ZYG11B: variants seen among roughly 807,000 people sequenced by gnomAD.
ZYG11B encodes the protein zyg-11 family member B, cell cycle regulator, also known as protein zyg-11 homolog B.
ZYG11B carries 36 observed loss-of-function variants against 82.4 expected under a neutral mutation model. The observed-to-expected ratio is 0.44, with a 90% CI of 0.33 to 0.58. ZYG11B has a LOEUF of 0.58. ZYG11B is among the 20% of genes least tolerant of loss of function. The probability of loss-of-function intolerance (pLI) is 0.02; values close to 1 mark genes in which losing one functional copy is unlikely to be tolerated. For synonymous variants in ZYG11B, 303 were observed against 312.8 expected (o/e 0.97, Z 0.33); for missense variants, 552 against 895.6 (o/e 0.62, Z 4.90).
chr1:52,773,857 A>G (rs968678808), intron 3 of ZYG11B, among the ~76,000 whole-genome samples: 2 of 150,928 alleles, frequency 1.3e-5, no homozygotes, highest in East Asian at 3.9e-4. Flanking sequence ...TGCCAAGGCT[A>G]GTCTCGAACT....
At chr1:52,737,806 G>T (rs1454868828) in intron 1 of ZYG11B, among the ~76,000 whole-genome samples, 1 of 152,258 alleles carries the variant, frequency 6.6e-6, no homozygotes, top group Non-Finnish European at 1.5e-5. Context: ...TTTCATCAGT[G>T]TGTGTTTGAT....
intron 4 of ZYG11B, among the ~76,000 whole-genome samples, chr1:52,781,481 A>G (rs1644855369): frequency 6.6e-6 from 1 of 152,150 alleles, no homozygotes; most frequent in African/African-American, 2.4e-5. Context: ...CCTGGGTGAC[A>G]GGAGTGAAAA....
At chr1:52,792,682 A>G (rs1243580360) in intron 6 of ZYG11B, among the ~76,000 whole-genome samples, 3 of 152,152 alleles carry the variant, frequency 2.0e-5, no homozygotes, top group African/African-American at 7.2e-5. Context: ...TATGTTGTTG[A>G]AACTGCATGA....
intron 1 of ZYG11B, 140 bp downstream of exon 1, chr1:52,726,823 G>GC: frequency 1.3e-6 from 1 of 783,384 alleles, no homozygotes; most frequent in Non-Finnish European, 1.8e-6. Context: ...CCTCGTTACC[G>GC]CCCCCTCGGT....
chr1:52,782,051 CTATTTATT>C (rs914575808), intron 4 of ZYG11B, among the ~76,000 whole-genome samples: 2 of 151,576 alleles, frequency 1.3e-5, no homozygotes, highest in African/African-American at 4.9e-5. Flanking sequence ...AGAATATAGG[CTATTTATT>C]TATTTATTTA....
chr1:52,807,144 G>A (rs962620098), intron 10 of ZYG11B, among the ~76,000 whole-genome samples: 1 of 151,904 alleles, frequency 6.6e-6, no homozygotes, highest in African/African-American at 2.4e-5. Flanking sequence ...TGGGATTACA[G>A]ACTCACGTGA....
intron 2 of ZYG11B, among the ~76,000 whole-genome samples, chr1:52,758,362 T>G (rs1335689402): frequency 6.6e-6 from 1 of 152,174 alleles, no homozygotes; most frequent in Non-Finnish European, 1.5e-5. Context: ...TACATGTATT[T>G]TCGTGGAATT....
chr1:52,749,699 G>A (rs1644505707), intron 1 of ZYG11B, among the ~76,000 whole-genome samples: 1 of 151,868 alleles, frequency 6.6e-6, no homozygotes, highest in Non-Finnish European at 1.5e-5. Context: ...CGCCTCCCGG[G>A]TTGCCACCAC....
At chr1:52,817,214 G>A (rs984693264) in intron 13 of ZYG11B, among the ~76,000 whole-genome samples, 2 of 152,120 alleles carry the variant, frequency 1.3e-5, no homozygotes, top group African/African-American at 4.8e-5. Context: ...ACTACAGTGA[G>A]TCCATTTGTT....
chr1:52,761,391 A>G (rs552233678), intron 2 of ZYG11B, among the ~76,000 whole-genome samples: 1 of 152,224 alleles, frequency 6.6e-6, no homozygotes, highest in South Asian at 2.1e-4. Flanking sequence ...TTTTACTTCT[A>G]TGAGATCAGT....
chr1:52,814,737 C>G (rs1313812854), intron 12 of ZYG11B, among the ~76,000 whole-genome samples: 1 of 151,584 alleles, frequency 6.6e-6, no homozygotes, highest in Non-Finnish European at 1.5e-5. Flanking sequence ...ACACACCTTT[C>G]AGAGGAAGTG....
At position 52,813,854 on chromosome 1, in the gene ZYG11B, T is replaced by G; in HGVS notation, c.1894-6T>G. ...AATCCTTTCTTGTGTGTCTTTTGTC[T>G]TCCAGCATTCAGCTATTTTGAAATG... is the stretch of plus-strand genomic sequence containing the variant. On this transcript the variant is annotated splice_polypyrimidine_tract_variant and splice_region_variant and intron_variant, in intron 11 of 13. Coordinates refer to ENST00000294353, the MANE Select transcript of ZYG11B (RefSeq NM_024646.3). The G allele has an allele frequency of 6.2e-7, 1 of 1,614,144 alleles. No homozygotes were observed. The highest frequency in any genetic ancestry group is 8.5e-7 in the Non-Finnish European group (1 of 1,179,996).
chr1:52,809,929 T>C (rs1004729575), intron 10 of ZYG11B, among the ~76,000 whole-genome samples: 21 of 152,218 alleles, frequency 1.4e-4, no homozygotes, highest in African/African-American at 4.8e-4. Flanking sequence ...TTATCAGATA[T>C]ATGTCTTGCA....
chr1:52,754,488 TCTC>T (rs1249598039), intron 1 of ZYG11B: 15 of 152,170 alleles, frequency 9.9e-5, no homozygotes, highest in African/African-American at 3.6e-4. Context: ...TTCAAGCAAT[TCTC>T]CTGCCTCAGC....
intron 10 of ZYG11B, among the ~76,000 whole-genome samples, chr1:52,812,568 A>T (rs996197631): frequency 3.3e-5 from 5 of 151,248 alleles, no homozygotes; most frequent in Admixed American, 3.3e-4. Context: ...ACGCCCAGCT[A>T]ATTTTTCTAT....
intron 2 of ZYG11B, among the ~76,000 whole-genome samples, chr1:52,759,649 A>G (rs533649360): frequency 4.6e-4 from 70 of 152,298 alleles, no homozygotes; most frequent in African/African-American, 1.6e-3. Flanking sequence ...TAATCTCTTT[A>G]TACAAATCAT....
intron 1 of ZYG11B, among the ~76,000 whole-genome samples, chr1:52,746,690 T>G (rs1420249897): frequency 1.9e-5 from 2 of 107,528 alleles, no homozygotes; most frequent in African/African-American, 3.5e-5. Context: ...GGCCACTGTT[T>G]TTTTTTTTTT....
chr1:52,776,248 A>ATATATATATATAT (rs1425431576), intron 3 of ZYG11B, among the ~76,000 whole-genome samples: 14 of 94,768 alleles, frequency 1.5e-4, no homozygotes, highest in Non-Finnish European at 2.7e-4. Flanking sequence ...ATATATATGC[A>ATATATATATATAT]ATAAAGTTGG....
chr1:52,764,864 C>T lies in ZYG11B; in HGVS notation c.197-6156C>T, dbSNP rs539864976. Among the ~76,000 whole-genome samples, 5 of 152,226 alleles carry T rather than the reference C, an allele frequency of 3.3e-5. No homozygotes were observed. The South Asian group carries it at 8.3e-4, about 25-fold the overall frequency. The stretch of plus-strand genomic sequence containing the variant: ...AGGAGGGAAGTCAGTAACATAAAGG[C>T]GGGCTCCTCGGCACTGCCCAGGAGT... On this transcript the variant is annotated intron_variant, in intron 2 of 13. Transcript: ENST00000294353.
Sources: gnomAD v4.1 joint callset for allele counts (sites outside exome capture counted in the v4.1 genomes callset) on GRCh38, gnomAD v4.1.1 for gene constraint, MANE v1.5 for transcripts, NCBI Gene and HGNC (gene_info 2026-07-23, HGNC 2026-07-21) for gene names.